Variants in LRTM1 observed in about 807,000 individuals in gnomAD.
LRTM1 encodes the protein leucine rich repeat transmembrane protein 1.
In LRTM1, 38 loss-of-function variants were observed where a neutral mutation model predicts 32.4. That is an observed-to-expected ratio of 1.17 (90% CI 0.91 to 1.54). LRTM1 has a LOEUF of 1.54. Among genes scored for constraint, LRTM1 ranks in the 40% most tolerant of loss-of-function variants. The probability of loss-of-function intolerance (pLI) is 0.00; values close to 1 mark genes in which losing one functional copy is unlikely to be tolerated. For missense variants in LRTM1, 466 were observed against 415.4 expected (o/e 1.12, Z -1.06); for synonymous variants, 186 against 169.9 (o/e 1.09, Z -0.74).
At position 54,938,110 on chromosome 3, in the gene LRTM1, C is replaced by G. The variant is rs375602858; in HGVS notation, c.-221-12895G>C. ...GTGGAGTTGGCAGTTGTGGGCAAAT[C>G]CTTTCTGCATGTGTCTGAGGGGCAG... On this transcript the variant is annotated intron_variant, in intron 1 of 2. Transcript: ENST00000493075. Among the ~76,000 whole-genome samples the G allele has an allele frequency of 2.6e-5, 4 of 152,182 alleles. No individual in the cohort carries two copies. The East Asian group carries it at 7.7e-4, about 29-fold the overall frequency.
intron 1 of LRTM1, among the ~76,000 whole-genome samples, chr3:54,938,640 A>C (rs1256342853): frequency 6.6e-6 from 1 of 151,090 alleles, no homozygotes; most frequent in Admixed American, 6.6e-5. Flanking sequence ...CAAATTATAC[A>C]TCTTGATATA....
chr3:54,930,478 C>T (rs1055655711), upstream of LRTM1, among the ~76,000 whole-genome samples: 2 of 152,194 alleles, frequency 1.3e-5, no homozygotes, highest in Admixed American at 1.3e-4. Context: ...TTAGCTGTGT[C>T]TATAAGGCCC....
intron 1 of LRTM1, among the ~76,000 whole-genome samples, chr3:54,958,069 G>A (rs1701944763): frequency 6.6e-6 from 1 of 152,184 alleles, no homozygotes; most frequent in Non-Finnish European, 1.5e-5. Context: ...TGCCTGTGCT[G>A]GTAGCTTCTC....
chr3:54,953,421 C>T (rs1575403441), intron 1 of LRTM1, among the ~76,000 whole-genome samples: 2 of 152,272 alleles, frequency 1.3e-5, no homozygotes. Context: ...AGGTGAGACT[C>T]ATGAAATTCC....
chr3:54,918,897 A>G lies in LRTM1; in HGVS notation c.605-5T>C, dbSNP rs1390030586. ...TGATGCCGTCTGTTAGTCCCCCTTTAAAAAACAAAAGCAAAGAACAATAAC... is the reference window on the plus strand; with the variant it reads ...TGATGCCGTCTGTTAGTCCCCCTTTGAAAAACAAAAGCAAAGAACAATAAC... On this transcript the variant is annotated splice_polypyrimidine_tract_variant and splice_region_variant and intron_variant, in intron 2 of 2. Coordinates refer to ENST00000273286, the MANE Select transcript of LRTM1 (RefSeq NM_020678.4). 1 of 1,517,768 alleles carries G rather than the reference A, an allele frequency of 6.6e-7. No homozygotes were observed. Among genetic ancestry groups the G allele is most frequent in the African/African-American group, 1.4e-5 (1 of 71,822 alleles). 94.0% of individuals were successfully genotyped at this position (1,517,768 alleles called of 1,614,324 possible).
At chr3:54,957,046 C>T (rs1199220963) in intron 1 of LRTM1, among the ~76,000 whole-genome samples, 1 of 152,086 alleles carries the variant, frequency 6.6e-6, no homozygotes, top group Non-Finnish European at 1.5e-5. Flanking sequence ...GTTTTTTAAG[C>T]TTCTAGCAGA....
At chr3:54,921,908 ATATC>A (rs934387060) in intron 2 of LRTM1, among the ~76,000 whole-genome samples, 5 of 148,882 alleles carry the variant, frequency 3.4e-5, no homozygotes, top group African/African-American at 1.2e-4. Flanking sequence ...ATTTGTTTAT[ATATC>A]TTTTTTTAAA....
chr3:54,924,282 G>A (rs1334729195), intron 2 of LRTM1, among the ~76,000 whole-genome samples: 3 of 152,188 alleles, frequency 2.0e-5, no homozygotes, highest in Non-Finnish European at 4.4e-5. Flanking sequence ...ATAATAAGAG[G>A]TTGGTGTTAT....
rs550761092 is a variant in LRTM1, at chr3:54,957,706, G to A, written c.-222+9222C>T. Among the ~76,000 whole-genome samples the A allele has an allele frequency of 2.0e-5, 3 of 151,866 alleles. No individual in the cohort carries two copies. In the East Asian group the frequency reaches 5.8e-4, roughly 29 times the overall value. On this transcript the variant is annotated intron_variant, in intron 1 of 2. Transcript: ENST00000493075. Reference sequence around the variant, plus strand: ...TTCCAGGCCCCACCCAGTCAGGAGGGTTAGAAACAAGATCACACCTCTCCA... The same window carrying A: ...TTCCAGGCCCCACCCAGTCAGGAGGATTAGAAACAAGATCACACCTCTCCA...
At chr3:54,934,912 T>G (rs1701291594) in intron 1 of LRTM1, among the ~76,000 whole-genome samples, 1 of 152,118 alleles carries the variant, frequency 6.6e-6, no homozygotes, top group South Asian at 2.1e-4. Flanking sequence ...CTGTATTTAT[T>G]TTCTAGTAGA....
chr3:54,929,421 C>T (rs548393492), upstream of LRTM1, among the ~76,000 whole-genome samples: 2 of 152,304 alleles, frequency 1.3e-5, no homozygotes, highest in African/African-American at 2.4e-5. Flanking sequence ...GAACCTGGCC[C>T]TTCGTGCCAC....
chr3:54,942,852 A>G (rs1355448913), intron 1 of LRTM1, among the ~76,000 whole-genome samples: 3 of 152,012 alleles, frequency 2.0e-5, no homozygotes, highest in Non-Finnish European at 4.4e-5. Context: ...GTGAAACCCC[A>G]TCTCTACTAA....
At position 54,966,712 on chromosome 3, in the gene LRTM1, G is replaced by A. The variant is rs549357724; in HGVS notation, c.-222+216C>T. ...TGCACACCTGTAATCCCAGCTACTC[G>A]GGAGGCTGAGGCATGAGAATCACTT... On this transcript the variant is annotated intron_variant, in intron 1 of 2. Transcript: ENST00000493075. Among the ~76,000 whole-genome samples the A allele has an allele frequency of 3.8e-4, 58 of 152,134 alleles. 1 individual carries two copies. The highest frequency in any genetic ancestry group is 1.2e-3 in the African/African-American group (49 of 41,514).
Position 54,925,123 on chromosome 3 carries a change from C to T in LRTM1, c.100G>A (p.Val34Ile). 6.2e-7 allele frequency: 1 copy of T among 1,614,078 alleles called. No homozygotes were observed. The highest frequency in any genetic ancestry group is 8.5e-7 in the Non-Finnish European group (1 of 1,180,008). ...KCYCQSSTNF[V>I]DCSQQGLAEI... ...GCCAGACCCTGCTGGCTGCAGTCTACAAAATTTGTAGATGACTGACAGTAA... is the reference window on the plus strand; with the variant it reads ...GCCAGACCCTGCTGGCTGCAGTCTATAAAATTTGTAGATGACTGACAGTAA... Residue 34 changes from valine (V) to isoleucine (I), a missense_variant, in exon 2 of 3, where the codon GTA becomes ATA. Physicochemically the swap from Val to Ile is conservative, Grantham distance 29. Transcript: ENST00000273286.
chr3:54,924,518 C>G (rs574101294), intron 2 of LRTM1, 101 bp downstream of exon 2: 3 of 978,406 alleles, frequency 3.1e-6, no homozygotes, highest in Non-Finnish European at 4.6e-6. Context: ...CAAATCCACC[C>G]CTTACACACT....
At chr3:54,934,870 T>C (rs1404897970) in intron 1 of LRTM1, among the ~76,000 whole-genome samples, 1 of 152,182 alleles carries the variant, frequency 6.6e-6, no homozygotes, top group Non-Finnish European at 1.5e-5. Flanking sequence ...TAGCTGGGAT[T>C]ACAGGCACAC....
At chr3:54,920,486 A>G (rs974732441) in intron 2 of LRTM1, among the ~76,000 whole-genome samples, 1 of 152,190 alleles carries the variant, frequency 6.6e-6, no homozygotes, top group Non-Finnish European at 1.5e-5. Flanking sequence ...TAAAGCAGAA[A>G]GATAAAAGGG....
intron 1 of LRTM1, among the ~76,000 whole-genome samples, chr3:54,966,049 A>G (rs1702142345): frequency 6.6e-6 from 1 of 152,118 alleles, no homozygotes. Context: ...AACAGACTGC[A>G]AGTATGTGAG....
At chr3:54,932,850 G>T (rs927527207), upstream of LRTM1, among the ~76,000 whole-genome samples, 7 of 152,176 alleles carry the variant, frequency 4.6e-5, no homozygotes. Flanking sequence ...CTGCAGCCAG[G>T]AATAGTGGGG....
Sources: gnomAD v4.1 joint callset for allele counts (sites outside exome capture counted in the v4.1 genomes callset) on GRCh38, gnomAD v4.1.1 for gene constraint, MANE v1.5 for transcripts, NCBI Gene and HGNC (gene_info 2026-07-23, HGNC 2026-07-21) for gene names.